The following CTNNA3 variants were observed in gnomAD, a reference collection of about 807,000 sequenced individuals.
CTNNA3 encodes the protein catenin alpha-3.
A neutral mutation model predicts 95.7 loss-of-function variants in CTNNA3; 76 were observed. The observed-to-expected ratio is 0.79, with a 90% CI of 0.66 to 0.96. The LOEUF (loss-of-function observed/expected upper bound fraction) is 0.96, where lower values mean the gene tolerates loss of function less well. Ranked by LOEUF, CTNNA3 falls within the 40% of genes least tolerant of loss-of-function variation. The pLI, the probability that CTNNA3 is intolerant of heterozygous loss-of-function variation, is 0.00. For synonymous variants in CTNNA3, 431 were observed against 374.4 expected, an observed-to-expected ratio of 1.15 and a Z score of -1.74; for missense variants, 1,191 against 1,089.8, an observed-to-expected ratio of 1.09 and a Z score of -1.31.
At chr10:66,068,660 G>A (rs1323456446) in intron 15 of CTNNA3, among the ~76,000 whole-genome samples, 2 of 152,200 alleles carry the variant, frequency 1.3e-5, no homozygotes, top group East Asian at 1.9e-4. Flanking sequence ...CTGTACTGTG[G>A]CTTTTATAAC....
At chr10:66,254,929 C>A (rs77817339) in intron 13 of CTNNA3, among the ~76,000 whole-genome samples, 5,131 of 152,292 alleles carry the variant, frequency 0.034, 117 homozygotes, top group Middle Eastern at 0.058. Context: ...GGGTTTCTGG[C>A]TGAGTGCACT....
intron 5 of CTNNA3, among the ~76,000 whole-genome samples, chr10:67,421,300 G>A (rs968016956): frequency 1.3e-5 from 2 of 152,230 alleles, no homozygotes; most frequent in African/African-American, 4.8e-5. Flanking sequence ...CATGGATTCA[G>A]CTGTGGAGAT....
chr10:67,176,985 C>T (rs1476821579), intron 7 of CTNNA3: 1 of 498,198 alleles, frequency 2.0e-6, no homozygotes, highest in East Asian at 5.6e-5. Flanking sequence ...GATTACAGAG[C>T]TGAAAGACAG....
intron 1 of CTNNA3, among the ~76,000 whole-genome samples, chr10:67,749,845 A>G (rs1841395084): frequency 6.6e-6 from 1 of 152,166 alleles, no homozygotes; most frequent in Non-Finnish European, 1.5e-5. Flanking sequence ...AGACATGAAA[A>G]ACCCTTCAAA....
chr10:67,676,763 A>G (rs978306652), intron 1 of CTNNA3, among the ~76,000 whole-genome samples: 1 of 152,184 alleles, frequency 6.6e-6, no homozygotes, highest in Admixed American at 6.5e-5. Flanking sequence ...ACAATGATTT[A>G]AGACAAGCAT....
intron 7 of CTNNA3, among the ~76,000 whole-genome samples, chr10:67,114,473 T>C (rs574266943): frequency 5.9e-5 from 9 of 152,216 alleles, no homozygotes; most frequent in African/African-American, 2.2e-4. Flanking sequence ...TTAAAGCTAG[T>C]CCACACAAAA....
chr10:67,710,264 A>G (rs550125824), intron 1 of CTNNA3, among the ~76,000 whole-genome samples: 1 of 151,900 alleles, frequency 6.6e-6, no homozygotes, highest in South Asian at 2.1e-4. Flanking sequence ...TGATGTTAAG[A>G]GAATAATTCA....
chr10:66,037,978 C>T (rs575707924), intron 15 of CTNNA3, among the ~76,000 whole-genome samples: 2 of 152,112 alleles, frequency 1.3e-5, no homozygotes, highest in Admixed American at 6.5e-5. Context: ...GAGGGACAGA[C>T]CACAAAGCTC....
intron 7 of CTNNA3, among the ~76,000 whole-genome samples, chr10:67,013,472 G>T (rs1185659558): frequency 6.6e-6 from 1 of 152,126 alleles, no homozygotes; most frequent in African/African-American, 2.4e-5. Flanking sequence ...TCTCAGACAT[G>T]CAATGCTATT....
At chr10:67,152,909 G>A (rs188913177) in intron 7 of CTNNA3, among the ~76,000 whole-genome samples, 141 of 152,144 alleles carry the variant, frequency 9.3e-4, no homozygotes, top group African/African-American at 3.0e-3. Context: ...TACCATAGGC[G>A]AGGCACTGTG....
chr10:66,674,399 A>C (rs533969075), intron 9 of CTNNA3, among the ~76,000 whole-genome samples: 167 of 152,072 alleles, frequency 1.1e-3, no homozygotes, highest in African/African-American at 3.9e-3. Context: ...TGGGCACTGA[A>C]TGTAGGTCTT....
At chr10:66,447,982 G>A (rs1441038800) in intron 11 of CTNNA3, among the ~76,000 whole-genome samples, 4 of 151,686 alleles carry the variant, frequency 2.6e-5, no homozygotes, top group Admixed American at 1.3e-4. Context: ...ATTTACAAGA[G>A]AAAAACAAAC....
Position 66,927,763 on chromosome 10 carries a change from C to G in CTNNA3, c.1048-152239G>C. On this transcript the variant is annotated intron_variant, in intron 7 of 17. Transcript: ENST00000433211. This position sits in a 1 kb window ranked among gnomAD's most constrained non-coding sequence, Gnocchi z 4.7. The stretch of plus-strand genomic sequence containing the variant: ...CCAGTGTGTCCCGAATCTGCAGCGC[C>G]TCAACCTGGATTCCAACAAGCTCAC... 6.2e-7 allele frequency: 1 copy of G among 1,614,214 alleles called. No homozygotes were observed. Among genetic ancestry groups the G allele is most frequent in the Non-Finnish European group, 8.5e-7 (1 of 1,180,042 alleles).
At chr10:67,108,779 C>T (rs1218928748) in intron 7 of CTNNA3, among the ~76,000 whole-genome samples, 3 of 152,136 alleles carry the variant, frequency 2.0e-5, no homozygotes, top group Non-Finnish European at 4.4e-5. Context: ...ATCTGGAAAA[C>T]TGGGACTCTA....
intron 7 of CTNNA3, among the ~76,000 whole-genome samples, chr10:66,999,514 G>A (rs750989453): frequency 1.4e-4 from 21 of 149,536 alleles, no homozygotes; most frequent in South Asian, 6.5e-4. Flanking sequence ...CATTCTTCTA[G>A]CTTCAATCAC....
chr10:66,329,481 T>A (rs1236579795), intron 12 of CTNNA3, among the ~76,000 whole-genome samples: 1 of 151,896 alleles, frequency 6.6e-6, no homozygotes, highest in Non-Finnish European at 1.5e-5. Context: ...TAAAATTAAC[T>A]GTCACAGTCT....
intron 2 of CTNNA3, among the ~76,000 whole-genome samples, chr10:67,618,016 G>A (rs1436011223): frequency 1.3e-5 from 2 of 151,984 alleles, no homozygotes; most frequent in Non-Finnish European, 1.5e-5. Context: ...AAACTATAAA[G>A]ATATTAAATT....
intron 1 of CTNNA3, among the ~76,000 whole-genome samples, chr10:67,718,869 G>T (rs536162050): frequency 1.3e-5 from 2 of 152,322 alleles, no homozygotes; most frequent in Admixed American, 1.3e-4. Context: ...AATAGTTTCA[G>T]AAGGAATGGT....
At chr10:66,643,894 A>G (rs1383596755) in intron 9 of CTNNA3, among the ~76,000 whole-genome samples, 8 of 152,190 alleles carry the variant, frequency 5.3e-5, no homozygotes, top group African/African-American at 1.9e-4. Context: ...AGAAAGTACA[A>G]GATGTGTAAC....
Sources: gnomAD v4.1 joint callset for allele counts (sites outside exome capture counted in the v4.1 genomes callset) on GRCh38, gnomAD v4.1.1 for gene constraint, Gnocchi (gnomAD v3.1) non-coding constraint, MANE v1.5 for transcripts, NCBI Gene and HGNC (gene_info 2026-07-23, HGNC 2026-07-21) for gene names.